The following MACROD1 variants were observed in gnomAD, a reference collection of about 807,000 sequenced individuals.
MACROD1 encodes the protein ADP-ribose glycohydrolase MACROD1.
MACROD1 carries 31 observed loss-of-function variants against 41.4 expected under a neutral mutation model. The observed-to-expected ratio is 0.75, with a 90% CI of 0.56 to 1.01. MACROD1 has a LOEUF of 1.01. Among genes scored for constraint, MACROD1 ranks in the 50% least tolerant of loss-of-function variants. The pLI, the probability that MACROD1 is intolerant of heterozygous loss-of-function variation, is 0.00. For synonymous variants in MACROD1, 252 were observed against 203.4 expected (o/e 1.24, Z -2.03); for missense variants, 473 against 460.0 (o/e 1.03, Z -0.26).
At chr11:64,129,404 T>C (rs1019049301) in intron 3 of MACROD1, among the ~76,000 whole-genome samples, 4 of 152,182 alleles carry the variant, frequency 2.6e-5, no homozygotes, top group Non-Finnish European at 5.9e-5. Context: ...AGTGCCCAGC[T>C]CAGAAACCAC....
chr11:64,076,597 T>C (rs574014449), intron 3 of MACROD1, among the ~76,000 whole-genome samples: 19 of 152,292 alleles, frequency 1.2e-4, no homozygotes, highest in African/African-American at 4.3e-4. Context: ...AACAGCCTTA[T>C]TGGACAGATA....
At chr11:64,139,500 G>A (rs995654058) in intron 3 of MACROD1, among the ~76,000 whole-genome samples, 1 of 152,206 alleles carries the variant, frequency 6.6e-6, no homozygotes, top group Admixed American at 6.5e-5. Flanking sequence ...AGTCCATGGA[G>A]CTGCCCCTGC....
rs539929316 is a variant in MACROD1 at position 64,064,411 on chromosome 11, C to T, written c.518-49130G>A. 1.6e-4 allele frequency among the ~76,000 whole-genome samples: 25 copies of T among 152,248 alleles called. No homozygotes were observed. Among genetic ancestry groups the T allele is most frequent in the South Asian group, 4.2e-4 (2 of 4,818 alleles). ...GATGGAGGAGGCTCAGGGCCAGTGC[C>T]GGGACTCCAGCTCCTCTGGGCACTG... On this transcript the variant is annotated intron_variant, in intron 3 of 10. Transcript: ENST00000255681. This position sits in a 1 kb window ranked among gnomAD's most constrained non-coding sequence, Gnocchi z 4.5.
rs991325506 is a variant in MACROD1 at position 64,122,576 on chromosome 11, G to A, written c.517+28663C>T. 1.3e-5 allele frequency among the ~76,000 whole-genome samples: 2 copies of A among 152,236 alleles called. No homozygotes were observed. The highest frequency in any genetic ancestry group is 6.5e-5 in the Admixed American group (1 of 15,290). ...CCCTGTCCGAACAAAGCCAGGCAGA[G>A]AGCTGAGGAGGGGGTCGGGGAGATG... On this transcript the variant is annotated intron_variant, in intron 3 of 10. Coordinates refer to ENST00000255681, the MANE Select transcript of MACROD1 (RefSeq NM_014067.4). This position sits in a 1 kb window ranked among gnomAD's most constrained non-coding sequence, Gnocchi z 4.0.
At chr11:64,010,810 G>A (rs535757516) in intron 4 of MACROD1, among the ~76,000 whole-genome samples, 3 of 145,348 alleles carry the variant, frequency 2.1e-5, no homozygotes, top group Non-Finnish European at 4.5e-5. Flanking sequence ...TGGCATGTTG[G>A]TTGGGGTATT....
At chr11:64,068,152 G>A (rs1303925052) in intron 3 of MACROD1, among the ~76,000 whole-genome samples, 3 of 152,370 alleles carry the variant, frequency 2.0e-5, no homozygotes, top group South Asian at 2.1e-4. Context: ...AAGATATGGC[G>A]TTCAAATTGG....
At chr11:64,044,245 C>T (rs1943543145) in intron 3 of MACROD1, among the ~76,000 whole-genome samples, 1 of 151,586 alleles carries the variant, frequency 6.6e-6, no homozygotes, top group Non-Finnish European at 1.5e-5. Flanking sequence ...GCAGTTCCCC[C>T]AACAACTTTT....
At chr11:64,062,606 G>T (rs1008188476) in intron 3 of MACROD1, among the ~76,000 whole-genome samples, 1 of 150,790 alleles carries the variant, frequency 6.6e-6, no homozygotes, top group Admixed American at 6.6e-5. Context: ...ACTGTCCTGG[G>T]CGCTGGGGAT....
At chr11:64,143,133 TGGGA>T (rs376739540) in intron 3 of MACROD1, among the ~76,000 whole-genome samples, 15 of 6,366 alleles carry the variant, frequency 2.4e-3, no homozygotes, top group East Asian at 0.014. Context: ...GAAGGGAGGG[TGGGA>T]GGGAGGGAGG....
chr11:64,132,848 G>A (rs1024729696), intron 3 of MACROD1, among the ~76,000 whole-genome samples: 3 of 152,214 alleles, frequency 2.0e-5, no homozygotes, highest in African/African-American at 7.2e-5. Flanking sequence ...CTCACGGCAG[G>A]GAGGTGCGGC....
chr11:64,017,628 G>A (rs1002217996), intron 3 of MACROD1, among the ~76,000 whole-genome samples: 3 of 152,124 alleles, frequency 2.0e-5, no homozygotes, highest in Non-Finnish European at 4.4e-5. Flanking sequence ...ACCCCAGCAG[G>A]TCCAGCTGCA....
intron 3 of MACROD1, among the ~76,000 whole-genome samples, chr11:64,051,014 G>A (rs1341662118): frequency 6.6e-6 from 1 of 152,208 alleles, no homozygotes; most frequent in Non-Finnish European, 1.5e-5. Context: ...GACCAGCCTT[G>A]CCCAGGGGGA....
At chr11:64,079,898 C>T (rs538608016) in intron 3 of MACROD1, among the ~76,000 whole-genome samples, 40 of 152,210 alleles carry the variant, frequency 2.6e-4, no homozygotes, top group Middle Eastern at 3.4e-3. Context: ...TGTCTTCAGT[C>T]GTAAATGAGG....
chr11:64,063,326 A>T (rs528095495), intron 3 of MACROD1, among the ~76,000 whole-genome samples: 16 of 152,248 alleles, frequency 1.1e-4, no homozygotes, highest in African/African-American at 3.4e-4. Context: ...AAACACCTAG[A>T]GGATTGCTGG....
At chr11:64,056,181 G>A (rs1050580851) in intron 3 of MACROD1, among the ~76,000 whole-genome samples, 1 of 152,138 alleles carries the variant, frequency 6.6e-6, no homozygotes, top group Non-Finnish European at 1.5e-5. Flanking sequence ...GGCTGTGCAG[G>A]CAAAAATGCC....
rs139438142 is a variant in MACROD1 at position 64,061,240 on chromosome 11, G to A, written c.518-45959C>T. On this transcript the variant is annotated intron_variant, in intron 3 of 10. Transcript: ENST00000255681. ...TAATAAATGCATTTGGAGTAATCTG[G>A]CGATCACGCGGTGTAATTGCTGGCT... 3.5e-3 allele frequency among the ~76,000 whole-genome samples: 528 copies of A among 152,366 alleles called. 5 individuals are homozygous for A. The highest frequency in any genetic ancestry group is 0.012 in the African/African-American group (514 of 41,582).
chr11:64,025,629 C>T (rs1015263554), intron 3 of MACROD1, among the ~76,000 whole-genome samples: 4 of 151,988 alleles, frequency 2.6e-5, no homozygotes, highest in Admixed American at 6.6e-5. Context: ...TTTGTATAAA[C>T]GGGAGCTCCC....
At chr11:64,041,889 G>A (rs576225278) in intron 3 of MACROD1, among the ~76,000 whole-genome samples, 1 of 152,192 alleles carries the variant, frequency 6.6e-6, no homozygotes, top group East Asian at 1.9e-4. Flanking sequence ...AGGGTGCCCC[G>A]CCCAGTTAAA....
At chr11:64,003,419 A>G (rs1942859458) in intron 4 of MACROD1, among the ~76,000 whole-genome samples, 1 of 152,112 alleles carries the variant, frequency 6.6e-6, no homozygotes, top group Non-Finnish European at 1.5e-5. Context: ...GGGTTTCACC[A>G]TGTTGCCCAG....
Sources: allele counts gnomAD v4.1 joint callset (sites outside exome capture counted in the v4.1 genomes callset), GRCh38; gene constraint gnomAD v4.1.1; non-coding constraint Gnocchi (gnomAD v3.1); transcripts MANE v1.5; gene names NCBI Gene and HGNC (gene_info 2026-07-23, HGNC 2026-07-21).